The following CERT1 variants were observed in gnomAD, a reference collection of about 807,000 sequenced individuals.
The protein encoded by CERT1 is ceramide transporter 1, also known as ceramide transfer protein.
In CERT1, 31 loss-of-function variants were observed where a neutral mutation model predicts 87.9. That is an observed-to-expected ratio of 0.35 (90% CI 0.27 to 0.48). CERT1 has a LOEUF of 0.48. Among genes scored for constraint, CERT1 ranks in the 20% least tolerant of loss-of-function variants. The probability of loss-of-function intolerance (pLI) is 0.99; values close to 1 mark genes in which losing one functional copy is unlikely to be tolerated. For synonymous variants in CERT1, 289 were observed against 250.9 expected (o/e 1.15, Z -1.44); for missense variants, 487 against 758.0 (o/e 0.64, Z 4.20).
At chr5:75,405,872 T>TG (rs141912723) in intron 8 of CERT1, among the ~76,000 whole-genome samples, 66 of 120,744 alleles carry the variant, frequency 5.5e-4, no homozygotes, top group South Asian at 2.1e-3. Flanking sequence ...CTGCAGTTAC[T>TG]GGGGGGGGGG....
At chr5:75,436,059 G>A (rs1381945314) in intron 3 of CERT1, among the ~76,000 whole-genome samples, 1 of 152,134 alleles carries the variant, frequency 6.6e-6, no homozygotes, top group Non-Finnish European at 1.5e-5. Flanking sequence ...TTGAGACGGA[G>A]GATCGCTCTG....
At chr5:75,405,916 T>C (rs1282750336) in intron 8 of CERT1, among the ~76,000 whole-genome samples, 2 of 147,378 alleles carry the variant, frequency 1.4e-5, no homozygotes, top group African/African-American at 5.0e-5. Flanking sequence ...CAACCACTGA[T>C]ACAATGGGAT....
intron 2 of CERT1, among the ~76,000 whole-genome samples, chr5:75,481,842 TG>T (rs762329404): frequency 4.3e-4 from 65 of 152,270 alleles, no homozygotes; most frequent in Middle Eastern, 6.8e-3. Context: ...CTGTGATTTT[TG>T]GCTACAATGA....
chr5:75,501,610 A>G (rs1334033241), intron 2 of CERT1, among the ~76,000 whole-genome samples: 2 of 152,200 alleles, frequency 1.3e-5, no homozygotes, highest in Non-Finnish European at 2.9e-5. Context: ...TGGTTGATGA[A>G]ATACCCACAA....
intron 5 of CERT1, among the ~76,000 whole-genome samples, chr5:75,419,738 A>G (rs753770399): frequency 1.3e-5 from 2 of 152,024 alleles, no homozygotes; most frequent in Non-Finnish European, 2.9e-5. Context: ...TCAGCCATCT[A>G]TTTATTTTTG....
At chr5:75,435,047 C>T (rs984246895) in intron 3 of CERT1, among the ~76,000 whole-genome samples, 1 of 152,064 alleles carries the variant, frequency 6.6e-6, no homozygotes, top group Non-Finnish European at 1.5e-5. Context: ...TTTTCTAGTT[C>T]ATCATGGTGA....
intron 2 of CERT1, among the ~76,000 whole-genome samples, chr5:75,480,626 C>T (rs369619792): frequency 6.6e-6 from 1 of 152,214 alleles, no homozygotes; most frequent in South Asian, 2.1e-4. Flanking sequence ...CTCAGTTGCT[C>T]TCTCTATTAT....
intron 1 of CERT1, among the ~76,000 whole-genome samples, chr5:75,510,753 G>A (rs2112490126): frequency 6.6e-6 from 1 of 152,216 alleles, no homozygotes; most frequent in South Asian, 2.1e-4. Flanking sequence ...TCTTTTAAGA[G>A]GTCCGACTTG....
chr5:75,511,909 T>C (rs1768035168), upstream of CERT1: 3 of 1,318,474 alleles, frequency 2.3e-6, no homozygotes, highest in African/African-American at 4.4e-5. Context: ...GATCCTGAGG[T>C]AACGGGTGAG....
chr5:75,413,493 T>C (rs1763013496), intron 7 of CERT1, among the ~76,000 whole-genome samples: 1 of 152,138 alleles, frequency 6.6e-6, no homozygotes, highest in African/African-American at 2.4e-5. Flanking sequence ...CCTGTAGTCC[T>C]GGTCATTCAG....
chr5:75,419,287 C>G, intron 6 of CERT1, 54 bp downstream of exon 6: 4 of 1,169,308 alleles, frequency 3.4e-6, no homozygotes, highest in Non-Finnish European at 5.0e-6. Context: ...TGAGTTGTTA[C>G]ATAACTTCTG....
chr5:75,485,892 G>GA (rs1766498613), intron 2 of CERT1, among the ~76,000 whole-genome samples: 1 of 152,112 alleles, frequency 6.6e-6, no homozygotes, highest in Non-Finnish European at 1.5e-5. Context: ...AAAAGCCTGA[G>GA]ACCCAGTGGC....
At chr5:75,485,235 A>G (rs1200577063) in intron 2 of CERT1, among the ~76,000 whole-genome samples, 1 of 148,512 alleles carries the variant, frequency 6.7e-6, no homozygotes, top group African/African-American at 2.5e-5. Flanking sequence ...TGGGAGACCA[A>G]TGCAGGAGGA....
In CERT1 at chr5:75,429,705, C is replaced by A. The variant is rs182018572; in HGVS notation, c.349-3227G>T. Among the ~76,000 whole-genome samples the A allele has an allele frequency of 2.2e-3, 339 of 151,988 alleles. 5 individuals carry two copies. Among genetic ancestry groups the A allele is most frequent in the Admixed American group, 0.019 (292 of 15,250 alleles). On this transcript the variant is annotated intron_variant, in intron 3 of 16. Transcript: ENST00000643780. ...CTGTCTCTTAAACAAGCAAGTAAAT[C>A]AAAAATAGCCTGCCGTCCTCTATAT... is the stretch of plus-strand genomic sequence containing the variant.
chr5:75,420,390 C>T (rs1763323794), intron 5 of CERT1, among the ~76,000 whole-genome samples: 1 of 150,524 alleles, frequency 6.6e-6, no homozygotes, highest in Admixed American at 6.6e-5. Flanking sequence ...GTCGCCCAGG[C>T]TGGAGTGCAG....
intron 14 of CERT1, among the ~76,000 whole-genome samples, chr5:75,382,374 A>T (rs1015656507): frequency 6.6e-6 from 1 of 152,158 alleles, no homozygotes; most frequent in Admixed American, 6.5e-5. Flanking sequence ...TCACAGTGTT[A>T]TGTAACCATA....
chr5:75,439,036 T>C (rs758361277), intron 3 of CERT1, among the ~76,000 whole-genome samples: 1 of 151,830 alleles, frequency 6.6e-6, no homozygotes, highest in African/African-American at 2.4e-5. Flanking sequence ...ATACGAAGGT[T>C]ACTACTGGTC....
At chr5:75,431,895 T>C (rs1244815823) in intron 3 of CERT1, among the ~76,000 whole-genome samples, 1 of 152,206 alleles carries the variant, frequency 6.6e-6, no homozygotes, top group Non-Finnish European at 1.5e-5. Flanking sequence ...ATGTGGTCTT[T>C]ATGGAGGAAT....
intron 7 of CERT1, 38 bp from the exon 8 acceptor site, chr5:75,411,141 G>C: frequency 1.7e-6 from 2 of 1,186,056 alleles, no homozygotes; most frequent in Non-Finnish European, 2.4e-6. Context: ...ATTTGAGGCA[G>C]GCATTTTAAT....
Sources: allele counts gnomAD v4.1 joint callset (sites outside exome capture counted in the v4.1 genomes callset), GRCh38; gene constraint gnomAD v4.1.1; transcripts MANE v1.5; gene names NCBI Gene and HGNC (gene_info 2026-07-23, HGNC 2026-07-21).